Variants in SMPX observed in about 807,000 individuals in gnomAD.
SMPX encodes the protein small muscular protein.
SMPX carries 2 observed loss-of-function variants against 6.3 expected under a neutral mutation model. That is an observed-to-expected ratio of 0.32 (90% CI 0.13 to 0.99). The LOEUF (loss-of-function observed/expected upper bound fraction) is 0.99. Among genes scored for constraint, SMPX ranks in the 50% least tolerant of loss-of-function variants. SMPX has a pLI of 0.49. For synonymous variants in SMPX, 32 were observed against 24.7 expected, an observed-to-expected ratio of 1.30 and a Z score of -0.88; for missense variants, 60 against 66.8, an observed-to-expected ratio of 0.90 and a Z score of 0.36.
chrX:21,744,020 T>C (rs749837387), intron 2 of SMPX, among the ~76,000 whole-genome samples, 184 bp from the exon 3 acceptor site: 2 of 112,444 alleles, frequency 1.8e-5, no homozygotes, highest in African/African-American at 6.5e-5. Context: ...TTCCATTTAT[T>C]ACAGATTACA....
intron 4 of SMPX, among the ~76,000 whole-genome samples, chrX:21,721,664 G>C (rs2092791839): frequency 8.9e-6 from 1 of 112,058 alleles, no homozygotes; most frequent in African/African-American, 3.2e-5. Context: ...GTGGCACTCA[G>C]CAAGTCCAGG....
At chrX:21,745,986 T>C (rs2092821019) in intron 2 of SMPX, among the ~76,000 whole-genome samples, 1 of 111,746 alleles carries the variant, frequency 8.9e-6, no homozygotes, top group Non-Finnish European at 1.9e-5. Context: ...ATGTGGCCTC[T>C]CCATGTTTCA....
At chrX:21,706,473 A>G in intron 4 of SMPX, 79 bp from the exon 5 acceptor site, 1 of 279,744 alleles carries the variant, frequency 3.6e-6, no homozygotes, top group South Asian at 3.9e-5. Flanking sequence ...TAAAAATGGT[A>G]TATATTTACA....
At chrX:21,722,378 A>C (rs1283953826) in intron 4 of SMPX, among the ~76,000 whole-genome samples, 1 of 112,267 alleles carries the variant, frequency 8.9e-6, no homozygotes, top group African/African-American at 3.2e-5. Context: ...CTTATTTAGA[A>C]ATACTTTCAT....
chrX:21,715,310 A>G (rs12007219), intron 4 of SMPX, among the ~76,000 whole-genome samples: 7,141 of 87,168 alleles, frequency 0.082, 694 homozygotes, highest in African/African-American at 0.31. Context: ...GTGTGCGCGC[A>G]CGCGCGCGCG....
intron 2 of SMPX, among the ~76,000 whole-genome samples, chrX:21,752,968 A>G (rs1219097556): frequency 8.9e-6 from 1 of 111,984 alleles, no homozygotes; most frequent in Non-Finnish European, 1.9e-5. Flanking sequence ...AGGATGGATT[A>G]AGGACCCTAG....
At chrX:21,746,497 T>C (rs1377573031) in intron 2 of SMPX, among the ~76,000 whole-genome samples, 1 of 111,392 alleles carries the variant, frequency 9.0e-6, no homozygotes, top group East Asian at 2.8e-4. Flanking sequence ...ACTTACACTT[T>C]GAGAGTGGTC....
intron 3 of SMPX, among the ~76,000 whole-genome samples, chrX:21,738,878 C>T (rs759830348): frequency 1.8e-5 from 2 of 111,056 alleles, no homozygotes; most frequent in East Asian, 5.7e-4. Context: ...CTCTCCCTCC[C>T]AGCCTCGGGC....
At position 21,725,498 on chromosome X, in the gene SMPX, A is replaced by C. The variant is rs140037961; in HGVS notation, c.*14+12051T>G. Among the ~76,000 whole-genome samples, 876 of 112,693 alleles carry C rather than the reference A, an allele frequency of 7.8e-3. 11 individuals carry two copies. Among genetic ancestry groups the C allele is most frequent in the African/African-American group, 0.027 (823 of 31,026 alleles). On this transcript the variant is annotated intron_variant, in intron 4 of 4. Transcript: ENST00000379494. ...CTGATTCTCTTCAGAGAAAAATCAA[A>C]TTACAAACGAGATGCATTTGCTAGT...
intron 4 of SMPX, among the ~76,000 whole-genome samples, chrX:21,713,278 G>T (rs907923996): frequency 4.5e-4 from 51 of 112,197 alleles, no homozygotes; most frequent in African/African-American, 1.5e-3. Context: ...CAGAGGGGTT[G>T]AGTCACTTGT....
chrX:21,750,105 C>A (rs1363620361), intron 2 of SMPX, among the ~76,000 whole-genome samples: 1 of 111,968 alleles, frequency 8.9e-6, no homozygotes, highest in Non-Finnish European at 1.9e-5. Context: ...GAAGGACAGG[C>A]AGATGCTGCC....
intron 4 of SMPX, among the ~76,000 whole-genome samples, chrX:21,737,166 G>T (rs752079369): frequency 1.9e-4 from 21 of 111,318 alleles, no homozygotes; most frequent in African/African-American, 6.5e-4. Flanking sequence ...TCTAGCTCAT[G>T]AATAGTTTGT....
At chrX:21,707,456 G>T (rs1454186982) in intron 4 of SMPX, among the ~76,000 whole-genome samples, 2 of 111,926 alleles carry the variant, frequency 1.8e-5, no homozygotes, top group East Asian at 5.6e-4. Flanking sequence ...TCTCCTGAAG[G>T]ATTAGAGTAT....
rs757054120 is a variant in SMPX, at chrX:21,737,529, G to T, written c.*14+20C>A. ...TTTACAGAGGACTTTTTGAGACAAA[G>T]AAGATAGTTTTTCACTCACCTTTTT... is the stretch of plus-strand genomic sequence containing the variant. On this transcript the variant is annotated intron_variant, in intron 4 of 4. Transcript: ENST00000379494. 1.3e-4 allele frequency: 159 copies of T among 1,189,603 alleles called. No individual in the cohort carries two copies. The highest frequency in any genetic ancestry group is 1.8e-4 in the Non-Finnish European group (157 of 877,700).
chrX:21,715,303 T>TGTGTGC lies in SMPX; in HGVS notation c.*15-8910_*15-8909insGCACAC, dbSNP rs1175730294. ...GTGTGTGTGTGTGTGTGTGTGTGTG[T>TGTGTGC]GCGCGCACGCGCGCGCGCTCGCGCG... On this transcript the variant is annotated intron_variant, in intron 4 of 4. Coordinates refer to ENST00000379494, the MANE Select transcript of SMPX (RefSeq NM_014332.3). Among the ~76,000 whole-genome samples, 668 of 86,003 alleles carry TGTGTGC rather than the reference T, an allele frequency of 7.8e-3. 4 individuals carry two copies. Among genetic ancestry groups the TGTGTGC allele is most frequent in the African/African-American group, 0.028 (468 of 16,591 alleles). 74.7% of individuals were successfully genotyped at this position (86,003 alleles called of 115,157 possible).
intron 4 of SMPX, chrX:21,727,724 C>G (rs988071022): frequency 8.9e-6 from 1 of 111,892 alleles, no homozygotes; most frequent in African/African-American, 3.3e-5. Context: ...AACCAGCCAC[C>G]CCCTTGCCAT....
At chrX:21,731,079 G>T (rs904114022) in intron 4 of SMPX, among the ~76,000 whole-genome samples, 5 of 110,128 alleles carry the variant, frequency 4.5e-5, no homozygotes, top group Non-Finnish European at 9.5e-5. Context: ...GTTTTCATTC[G>T]CCTCAAAGTA....
chrX:21,731,879 C>T (rs1470603455), intron 4 of SMPX, among the ~76,000 whole-genome samples: 1 of 105,027 alleles, frequency 9.5e-6, no homozygotes, highest in Non-Finnish European at 2.0e-5. Context: ...TGGTGTTGTT[C>T]TTGTCTTATA....
chrX:21,722,434 G>A (rs756326940), intron 4 of SMPX, among the ~76,000 whole-genome samples: 33 of 111,676 alleles, frequency 3.0e-4, no homozygotes, highest in Admixed American at 2.9e-3. Context: ...ATTTCATCCA[G>A]GCATCTCTCT....
Sources: gnomAD v4.1 joint callset for allele counts (sites outside exome capture counted in the v4.1 genomes callset) on GRCh38, gnomAD v4.1.1 for gene constraint, MANE v1.5 for transcripts, NCBI Gene and HGNC (gene_info 2026-07-23, HGNC 2026-07-21) for gene names.